The following DNER variants were observed in gnomAD, a reference collection of about 807,000 sequenced individuals.
DNER encodes the protein delta/notch like EGF repeat containing, also known as delta and Notch-like epidermal growth factor-related receptor.
Under a neutral mutation model 78.2 loss-of-function variants are expected in DNER, and 33 were observed. The observed-to-expected ratio is 0.42, with a 90% CI of 0.32 to 0.56. The LOEUF (loss-of-function observed/expected upper bound fraction) is 0.56, where lower values mean the gene tolerates loss of function less well. DNER is among the 20% of genes least tolerant of loss of function. The pLI is 0.11. For synonymous variants in DNER, 417 were observed against 384.8 expected (o/e 1.08, Z -0.98); for missense variants, 918 against 975.3 (o/e 0.94, Z 0.78).
chr2:229,431,235 A>G (rs930969952), intron 8 of DNER, among the ~76,000 whole-genome samples: 1 of 152,186 alleles, frequency 6.6e-6, no homozygotes, highest in Non-Finnish European at 1.5e-5. Flanking sequence ...AAAAACATTT[A>G]AGAAAATCTG....
rs775005338 is a variant in DNER, at chr2:229,702,916, C to CAAAAAA, written c.276+11226_276+11231dup. 3.9e-5 allele frequency among the ~76,000 whole-genome samples: 4 copies of CAAAAAA among 103,876 alleles called. 1 individual carries two copies. The highest frequency in any genetic ancestry group is 3.6e-5 in the Non-Finnish European group (2 of 54,816). 68.1% of individuals were successfully genotyped at this position (103,876 alleles called of 152,430 possible). A position where few individuals can be genotyped will look rare whatever the true frequency, so the allele number is the denominator to read the frequency against. ...TGGGGGACACAGCGAGACTCCGCCTCAAAAAAAAAAAAAAAAAAAAGAATC... is the reference window on the plus strand; with the variant it reads ...TGGGGGACACAGCGAGACTCCGCCTCAAAAAAAAAAAAAAAAAAAAAAAAAAGAATC... On this transcript the variant is annotated intron_variant, in intron 1 of 12. Coordinates refer to ENST00000341772, the MANE Select transcript of DNER (RefSeq NM_139072.4).
intron 9 of DNER, among the ~76,000 whole-genome samples, chr2:229,417,504 G>T (rs1051270567): frequency 6.6e-6 from 1 of 152,100 alleles, no homozygotes; most frequent in Non-Finnish European, 1.5e-5. Flanking sequence ...GGCCAGTGAA[G>T]ATGCTGGGAA....
chr2:229,361,218 G>GTT (rs35877686), intron 12 of DNER, among the ~76,000 whole-genome samples: 326 of 148,814 alleles, frequency 2.2e-3, no homozygotes, highest in African/African-American at 6.8e-3. Context: ...GACTAACAGT[G>GTT]TTTTTTTTTT....
chr2:229,643,424 A>T (rs1698662275), intron 1 of DNER, among the ~76,000 whole-genome samples: 1 of 152,210 alleles, frequency 6.6e-6, no homozygotes, highest in African/African-American at 2.4e-5. Flanking sequence ...ACTTAGAATT[A>T]GCGCATGGAT....
chr2:229,602,317 G>A (rs1697844513), intron 1 of DNER, among the ~76,000 whole-genome samples: 2 of 152,208 alleles, frequency 1.3e-5, no homozygotes, highest in South Asian at 4.1e-4. Flanking sequence ...AGCAAACTAG[G>A]AATAGAAGGA....
chr2:229,677,632 T>A (rs1400059389), intron 1 of DNER, among the ~76,000 whole-genome samples: 1 of 152,234 alleles, frequency 6.6e-6, no homozygotes, highest in African/African-American at 2.4e-5. Flanking sequence ...ACAATGAATT[T>A]TTTTTAATCT....
chr2:229,588,353 T>C (rs748384935), intron 3 of DNER, 41 bp downstream of exon 3: 5 of 1,591,554 alleles, frequency 3.1e-6, no homozygotes, highest in South Asian at 1.1e-5. Flanking sequence ...TTATAGGTCA[T>C]AGCATCACTC....
intron 1 of DNER, among the ~76,000 whole-genome samples, chr2:229,603,631 A>G (rs1446771403): frequency 1.3e-5 from 2 of 152,158 alleles, no homozygotes; most frequent in Non-Finnish European, 2.9e-5. Flanking sequence ...GAGCTGAGAG[A>G]GGTGGGGACG....
At chr2:229,526,108 A>G (rs1403186905) in intron 5 of DNER, among the ~76,000 whole-genome samples, 1 of 152,250 alleles carries the variant, frequency 6.6e-6, no homozygotes, top group Non-Finnish European at 1.5e-5. Context: ...AACTTAACAT[A>G]TCTAACTCAA....
rs138325902 is a variant in DNER, at chr2:229,591,649, C to T, written c.516G>A (p.Thr172=). Residue 172 remains threonine (T), a synonymous_variant, in exon 2 of 13, where the codon ACG becomes ACA. Transcript: ENST00000341772. This position sits in a 1 kb window ranked among gnomAD's most constrained non-coding sequence, Gnocchi z 4.6. ...TCGGCTGCCAGGTAGGCAGTGTCAC[C>T]GTTGCCTGAGAGCGAGGCAGGATTT... is the stretch of plus-strand genomic sequence containing the variant. The part of the protein sequence containing the change: ...PDKILPRSQA[T]VTLPTWQPKT... 112 of 1,614,158 alleles carry T rather than the reference C, an allele frequency of 6.9e-5. No homozygotes were observed. In the African/African-American group the frequency reaches 8.4e-4, roughly 12 times the overall value.
chr2:229,690,928 A>G (rs1699561036), intron 1 of DNER, among the ~76,000 whole-genome samples: 1 of 152,234 alleles, frequency 6.6e-6, no homozygotes, highest in South Asian at 2.1e-4. Context: ...GGCCAAGTTC[A>G]TCCTTATCAC....
intron 4 of DNER, among the ~76,000 whole-genome samples, chr2:229,575,910 A>G (rs1697290221): frequency 6.6e-6 from 1 of 152,256 alleles, no homozygotes; most frequent in African/African-American, 2.4e-5. Flanking sequence ...CAATATTAAT[A>G]TGAGGTCTCA....
intron 1 of DNER, among the ~76,000 whole-genome samples, chr2:229,605,378 T>G (rs181989066): frequency 6.6e-6 from 1 of 152,308 alleles, no homozygotes; most frequent in Non-Finnish European, 1.5e-5. Flanking sequence ...CCTGTATAAT[T>G]GTATCTAATG....
chr2:229,364,819 T>G (rs1692305525), intron 12 of DNER, among the ~76,000 whole-genome samples: 1 of 151,480 alleles, frequency 6.6e-6, no homozygotes, highest in South Asian at 2.1e-4. Flanking sequence ...TAGAATAATT[T>G]GGGTTTTCTC....
chr2:229,635,999 A>C (rs552605899), intron 1 of DNER, among the ~76,000 whole-genome samples: 1 of 152,112 alleles, frequency 6.6e-6, no homozygotes, highest in Non-Finnish European at 1.5e-5. Context: ...AAACTGAGGT[A>C]CAAAAAAGTT....
intron 5 of DNER, among the ~76,000 whole-genome samples, chr2:229,518,953 C>CTTTTTTTTTTTTTTTTTTTTT (rs11441895): frequency 6.9e-6 from 1 of 145,350 alleles, no homozygotes; most frequent in South Asian, 2.2e-4. Context: ...TGCGATTACT[C>CTTTTTTTTTTTTTTTTTTTTT]TTTTTTTTTT....
At chr2:229,484,625 T>C (rs1332228048) in intron 6 of DNER, among the ~76,000 whole-genome samples, 3 of 152,164 alleles carry the variant, frequency 2.0e-5, no homozygotes, top group Admixed American at 6.5e-5. Context: ...CCAGGTGTCA[T>C]TGGTGATGTC....
chr2:229,587,594 A>G (rs1437498639), intron 3 of DNER, among the ~76,000 whole-genome samples: 1 of 152,244 alleles, frequency 6.6e-6, no homozygotes, highest in Non-Finnish European at 1.5e-5. Context: ...TAACCAGGCC[A>G]CGTGTTCCCA....
intron 8 of DNER, among the ~76,000 whole-genome samples, chr2:229,439,985 G>A (rs1259494628): frequency 6.6e-6 from 1 of 152,228 alleles, no homozygotes; most frequent in Non-Finnish European, 1.5e-5. Context: ...TTGAGGGAAA[G>A]TCAGGGAGTG....
Sources: allele counts gnomAD v4.1 joint callset (sites outside exome capture counted in the v4.1 genomes callset), GRCh38; gene constraint gnomAD v4.1.1; non-coding constraint Gnocchi (gnomAD v3.1); transcripts MANE v1.5; gene names NCBI Gene and HGNC (gene_info 2026-07-23, HGNC 2026-07-21).